Variants in LGSN observed in about 807,000 individuals in gnomAD.
LGSN encodes the protein lengsin, lens protein with glutamine synthetase domain, also known as lengsin.
Under a neutral mutation model 19.5 loss-of-function variants are expected in LGSN, and 21 were observed. The observed-to-expected ratio is 1.07, with a 90% CI of 0.76 to 1.55. The LOEUF (loss-of-function observed/expected upper bound fraction) is 1.55. Among genes scored for constraint, LGSN ranks in the 40% most tolerant of loss-of-function variants. The pLI, the probability that LGSN is intolerant of heterozygous loss-of-function variation, is 0.00. For missense variants in LGSN, 673 were observed against 608.5 expected (o/e 1.11, Z -1.12); for synonymous variants, 257 against 215.6 (o/e 1.19, Z -1.68).
the LGSN span, among the ~76,000 whole-genome samples, chr6:63,470,628 C>T: frequency 6.6e-6 from 1 of 152,050 alleles, no homozygotes; most frequent in South Asian, 2.1e-4. Context: ...GCATTTTTAT[C>T]CGCACCCATT....
intron 2 of LGSN, among the ~76,000 whole-genome samples, chr6:63,287,665 G>A (rs780391931): frequency 1.2e-4 from 18 of 151,846 alleles, no homozygotes; most frequent in South Asian, 2.1e-4. Context: ...CAAAGATCGC[G>A]CCACTGCACT....
At chr6:63,414,460 A>G in the LGSN span, among the ~76,000 whole-genome samples, 5 of 152,200 alleles carry the variant, frequency 3.3e-5, no homozygotes, top group African/African-American at 7.2e-5. Context: ...TATTCTTTAG[A>G]AAAAAACCCA....
chr6:63,340,975 G>T, the LGSN span, among the ~76,000 whole-genome samples: 13 of 151,994 alleles, frequency 8.6e-5, no homozygotes, highest in Non-Finnish European at 1.8e-4. Flanking sequence ...TATAGCATTG[G>T]TTGTGTAGTG....
At chr6:63,428,612 A>C in the LGSN span, among the ~76,000 whole-genome samples, 1 of 152,154 alleles carries the variant, frequency 6.6e-6, no homozygotes, top group African/African-American at 2.4e-5. Context: ...TGGCCTCCCA[A>C]CATGTTGGGA....
intron 1 of LGSN, among the ~76,000 whole-genome samples, chr6:63,305,022 T>C (rs1768324792): frequency 6.6e-6 from 1 of 152,212 alleles, no homozygotes; most frequent in Non-Finnish European, 1.5e-5. Flanking sequence ...ACCATTGTTC[T>C]GGACTGAACT....
At chr6:63,503,842 A>G in the LGSN span, among the ~76,000 whole-genome samples, 4 of 152,016 alleles carry the variant, frequency 2.6e-5, no homozygotes, top group African/African-American at 9.7e-5. Flanking sequence ...CCAGAGCCTG[A>G]GGGGTCAAGG....
chr6:63,426,455 G>A, the LGSN span, among the ~76,000 whole-genome samples: 2 of 152,180 alleles, frequency 1.3e-5, no homozygotes, highest in Admixed American at 6.5e-5. Context: ...ATTTTTCCTT[G>A]TGCCTGAGTG....
At chr6:63,542,708 C>T in the LGSN span, among the ~76,000 whole-genome samples, 4 of 152,116 alleles carry the variant, frequency 2.6e-5, no homozygotes, top group East Asian at 1.9e-4. Context: ...CTTCCTTCAC[C>T]GACTGCTTTT....
chr6:63,366,293 T>G, the LGSN span, among the ~76,000 whole-genome samples: 1 of 152,044 alleles, frequency 6.6e-6, no homozygotes, highest in East Asian at 1.9e-4. Context: ...TATACACCAA[T>G]AACAGACAAA....
chr6:63,522,078 G>T, the LGSN span, among the ~76,000 whole-genome samples: 11 of 152,132 alleles, frequency 7.2e-5, no homozygotes, highest in African/African-American at 2.4e-4. Context: ...TCATGTCTTG[G>T]ATTACATTGG....
chr6:63,572,335 GGCGGCCGCC>G, the LGSN span: 2 of 259,462 alleles, frequency 7.7e-6, no homozygotes, highest in Non-Finnish European at 1.5e-5. Context: ...TCACACCGGC[GGCGGCCGCC>G]GCGGAGTGAC....
the LGSN span, among the ~76,000 whole-genome samples, chr6:63,400,198 TA>T: frequency 6.6e-6 from 1 of 152,228 alleles, no homozygotes; most frequent in Non-Finnish European, 1.5e-5. Flanking sequence ...GAAACATTTG[TA>T]TTGATATCAC....
chr6:63,518,154 C>CG, the LGSN span, among the ~76,000 whole-genome samples: 1 of 62,112 alleles, frequency 1.6e-5, no homozygotes, highest in African/African-American at 4.9e-5. Flanking sequence ...ACTCCGTCTC[C>CG]AAAAAAAAAA....
chr6:63,324,823 G>C (rs980950505), upstream of LGSN, among the ~76,000 whole-genome samples: 1 of 149,934 alleles, frequency 6.7e-6, no homozygotes, highest in Non-Finnish European at 1.5e-5. Context: ...AAAAAAAACA[G>C]GAGGCTGCAC....
chr6:63,510,071 ATT>A, the LGSN span, among the ~76,000 whole-genome samples: 1 of 152,174 alleles, frequency 6.6e-6, no homozygotes, highest in African/African-American at 2.4e-5. Context: ...GGGCAAGTTT[ATT>A]TTTGAATTTT....
At chr6:63,488,713 G>A in the LGSN span, among the ~76,000 whole-genome samples, 1 of 152,076 alleles carries the variant, frequency 6.6e-6, no homozygotes, top group African/African-American at 2.4e-5. Context: ...AGCTACTTGG[G>A]AGGCTGAGGC....
chr6:63,403,338 G>A, the LGSN span, among the ~76,000 whole-genome samples: 91 of 152,188 alleles, frequency 6.0e-4, no homozygotes, highest in African/African-American at 2.1e-3. Flanking sequence ...CTACTTTTGA[G>A]GAGGAAAGGT....
chr6:63,465,588 G>A, the LGSN span, among the ~76,000 whole-genome samples: 6 of 152,102 alleles, frequency 3.9e-5, no homozygotes, highest in Non-Finnish European at 5.9e-5. Flanking sequence ...ACAAAAATCC[G>A]GCCTTAGTTT....
At chr6:63,347,840 A>G in the LGSN span, among the ~76,000 whole-genome samples, 3 of 152,254 alleles carry the variant, frequency 2.0e-5, no homozygotes, top group African/African-American at 7.2e-5. Flanking sequence ...TTATTTAAAA[A>G]TCCAAAATGC....
Sources: gnomAD v4.1 joint callset for allele counts (sites outside exome capture counted in the v4.1 genomes callset) on GRCh38, gnomAD v4.1.1 for gene constraint, MANE v1.5 for transcripts, NCBI Gene and HGNC (gene_info 2026-07-23, HGNC 2026-07-21) for gene names.